The following GPC6 variants were observed in gnomAD, a reference collection of about 807,000 sequenced individuals.
The protein encoded by GPC6 is glypican 6.
In GPC6, 14 loss-of-function variants were observed where a neutral mutation model predicts 55.2. The observed-to-expected ratio is 0.25, with a 90% CI of 0.17 to 0.40. GPC6 has a LOEUF of 0.40. GPC6 is among the 10% of genes least tolerant of loss of function. The pLI is 1.00. For missense variants in GPC6, 641 were observed against 708.5 expected (o/e 0.90, Z 1.08); for synonymous variants, 278 against 259.6 (o/e 1.07, Z -0.68).
At chr13:93,499,115 A>ACACACG (rs1349581874) in intron 1 of GPC6, among the ~76,000 whole-genome samples, 1 of 152,036 alleles carries the variant, frequency 6.6e-6, no homozygotes, top group East Asian at 1.9e-4. Flanking sequence ...ACACACACAC[A>ACACACG]CACAGAAACA....
At chr13:94,103,818 T>C (rs1885953414) in intron 4 of GPC6, among the ~76,000 whole-genome samples, 1 of 152,222 alleles carries the variant, frequency 6.6e-6, no homozygotes, top group Non-Finnish European at 1.5e-5. Flanking sequence ...AAAAATTTTC[T>C]CCCATTCTCT....
intron 4 of GPC6, among the ~76,000 whole-genome samples, chr13:94,097,368 G>T (rs1454986841): frequency 6.6e-6 from 1 of 151,960 alleles, no homozygotes; most frequent in Non-Finnish European, 1.5e-5. Context: ...TTAGCTGGGC[G>T]TGGTGGCGGG....
chr13:93,927,923 A>G (rs1292734282), intron 3 of GPC6, among the ~76,000 whole-genome samples: 1 of 152,154 alleles, frequency 6.6e-6, no homozygotes, highest in East Asian at 1.9e-4. Context: ...AATCGAGGGG[A>G]TGAAAGTCAC....
chr13:94,382,219 G>A (rs1037149628), intron 6 of GPC6, among the ~76,000 whole-genome samples, 195 bp from the exon 7 acceptor site: 20 of 152,198 alleles, frequency 1.3e-4, no homozygotes, highest in African/African-American at 4.3e-4. Flanking sequence ...CTCGTCTAGA[G>A]GAGGACTGAG....
At position 93,934,503 on chromosome 13, in the gene GPC6, C is replaced by T. The variant is rs1008818260; in HGVS notation, c.712-93226C>T. Among the ~76,000 whole-genome samples, 76 of 152,138 alleles carry T rather than the reference C, an allele frequency of 5.0e-4. 2 individuals carry two copies. The highest frequency in any genetic ancestry group is 3.9e-4 in the Admixed American group (6 of 15,264). ...CACTTGACACTATACAATTCTATGGCATTCAGTACATTTTCAGTGTTGCAA... is the reference window on the plus strand; with the variant it reads ...CACTTGACACTATACAATTCTATGGTATTCAGTACATTTTCAGTGTTGCAA... On this transcript the variant is annotated intron_variant, in intron 3 of 8. Coordinates refer to ENST00000377047, the MANE Select transcript of GPC6 (RefSeq NM_005708.5).
chr13:93,551,851 G>A (rs1438457119), intron 2 of GPC6, among the ~76,000 whole-genome samples: 1 of 152,048 alleles, frequency 6.6e-6, no homozygotes, highest in Admixed American at 6.6e-5. Context: ...CAGCAAGACA[G>A]ACACAATTGT....
At chr13:94,235,268 TATA>T (rs1325783901) in intron 4 of GPC6, among the ~76,000 whole-genome samples, 1 of 152,122 alleles carries the variant, frequency 6.6e-6, no homozygotes, top group African/African-American at 2.4e-5. Flanking sequence ...TCACATCAGG[TATA>T]ATGAACCAAG....
chr13:93,391,359 A>G (rs1378502868), intron 1 of GPC6, among the ~76,000 whole-genome samples: 1 of 152,154 alleles, frequency 6.6e-6, no homozygotes, highest in Non-Finnish European at 1.5e-5. Flanking sequence ...CACTCCCCAT[A>G]ACTGATGTCT....
chr13:94,283,624 G>T (rs148762917), intron 4 of GPC6, among the ~76,000 whole-genome samples: 3 of 152,280 alleles, frequency 2.0e-5, no homozygotes, highest in Admixed American at 6.5e-5. Flanking sequence ...TCATGCAGAG[G>T]TATCAGTTAT....
At chr13:94,143,414 G>C (rs1387670355) in intron 4 of GPC6, among the ~76,000 whole-genome samples, 1 of 152,092 alleles carries the variant, frequency 6.6e-6, no homozygotes, top group African/African-American at 2.4e-5. Flanking sequence ...TCTTTCCAAA[G>C]TATTTGATTT....
rs147261043 is a variant in GPC6 at position 93,732,298 on chromosome 13, C to A, written c.320-97856C>A. On this transcript the variant is annotated intron_variant, in intron 2 of 8. Coordinates refer to ENST00000377047, the MANE Select transcript of GPC6 (RefSeq NM_005708.5). ...TTTTGTGCATCAGCAAGGATGTTTGCAGCTGACAGTCCTATCAGCAAATGC... is the reference window on the plus strand; with the variant it reads ...TTTTGTGCATCAGCAAGGATGTTTGAAGCTGACAGTCCTATCAGCAAATGC... Among the ~76,000 whole-genome samples, 395 of 152,224 alleles carry A rather than the reference C, an allele frequency of 2.6e-3. 1 individual carries two copies. Among genetic ancestry groups the A allele is most frequent in the Middle Eastern group, 0.02 (6 of 294 alleles).
intron 5 of GPC6, among the ~76,000 whole-genome samples, chr13:94,291,556 C>G (rs529746978): frequency 1.3e-5 from 2 of 152,254 alleles, no homozygotes; most frequent in South Asian, 4.2e-4. Context: ...GATTTTATTT[C>G]ATCAAGGGAA....
At chr13:93,288,175 A>G (rs1878200435) in intron 1 of GPC6, among the ~76,000 whole-genome samples, 1 of 152,168 alleles carries the variant, frequency 6.6e-6, no homozygotes, top group African/African-American at 2.4e-5. Context: ...ATTAGCAGAA[A>G]CTCTCCAAAA....
intron 1 of GPC6, among the ~76,000 whole-genome samples, chr13:93,462,643 A>G (rs1878736348): frequency 6.6e-6 from 1 of 152,190 alleles, no homozygotes; most frequent in South Asian, 2.1e-4. Flanking sequence ...AAATTGAAAA[A>G]AAAAACAACT....
chr13:94,102,425 A>G (rs72632647), intron 4 of GPC6, among the ~76,000 whole-genome samples: 14,168 of 151,476 alleles, frequency 0.094, 849 homozygotes, highest in Admixed American at 0.16. Flanking sequence ...CCTTCCCCCA[A>G]ACCCACTCTT....
At chr13:93,715,689 A>C (rs965971232) in intron 2 of GPC6, among the ~76,000 whole-genome samples, 1 of 151,702 alleles carries the variant, frequency 6.6e-6, no homozygotes, top group African/African-American at 2.4e-5. Flanking sequence ...TTTAATTGTA[A>C]GCTATGCGAT....
intron 6 of GPC6, among the ~76,000 whole-genome samples, chr13:94,312,720 G>GCA (rs200990954): frequency 0.062 from 8,445 of 136,190 alleles, 385 homozygotes; most frequent in African/African-American, 0.17. Flanking sequence ...ACACGCGCAC[G>GCA]CACACACACA....
At chr13:93,239,891 A>G (rs1285170635) in intron 1 of GPC6, among the ~76,000 whole-genome samples, 1 of 152,084 alleles carries the variant, frequency 6.6e-6, no homozygotes, top group Non-Finnish European at 1.5e-5. Context: ...CATTGACCTA[A>G]AAGTCCTTCA....
chr13:93,477,833 T>A (rs1222334194), intron 1 of GPC6, among the ~76,000 whole-genome samples: 3 of 152,210 alleles, frequency 2.0e-5, no homozygotes, highest in Admixed American at 2.0e-4. Context: ...GTTTCTTATG[T>A]GCAGAGTGAG....
Sources: gnomAD v4.1 joint callset for allele counts (sites outside exome capture counted in the v4.1 genomes callset) on GRCh38, gnomAD v4.1.1 for gene constraint, MANE v1.5 for transcripts, NCBI Gene and HGNC (gene_info 2026-07-23, HGNC 2026-07-21) for gene names.